Variants in ITFG1 observed in about 807,000 individuals in gnomAD.
The protein encoded by ITFG1 is integrin alpha FG-GAP repeat containing 1.
ITFG1 carries 34 observed loss-of-function variants against 81.8 expected under a neutral mutation model. That is an observed-to-expected ratio of 0.42 (90% CI 0.32 to 0.55). The LOEUF (loss-of-function observed/expected upper bound fraction) is 0.55, where lower values mean the gene tolerates loss of function less well. Ranked by LOEUF, ITFG1 falls within the 20% of genes least tolerant of loss-of-function variation. The probability of loss-of-function intolerance (pLI) is 0.17; values close to 1 mark genes in which losing one functional copy is unlikely to be tolerated. For missense variants in ITFG1, 672 were observed against 755.4 expected (o/e 0.89, Z 1.29); for synonymous variants, 285 against 270.6 (o/e 1.05, Z -0.52).
chr16:47,407,589 C>T (rs1464501539), intron 6 of ITFG1, among the ~76,000 whole-genome samples: 2 of 152,124 alleles, frequency 1.3e-5, no homozygotes, highest in African/African-American at 2.4e-5. Flanking sequence ...TCATGTGATC[C>T]GCCTGCCTTG....
intron 13 of ITFG1, among the ~76,000 whole-genome samples, chr16:47,222,523 C>T (rs1965705820): frequency 6.6e-6 from 1 of 151,784 alleles, no homozygotes; most frequent in South Asian, 2.1e-4. Context: ...ACGCCATTCT[C>T]CTGCCTCAGC....
At chr16:47,225,780 T>C (rs1011146546) in intron 13 of ITFG1, among the ~76,000 whole-genome samples, 3 of 152,074 alleles carry the variant, frequency 2.0e-5, no homozygotes, top group African/African-American at 4.8e-5. Context: ...ACCTGACTTG[T>C]AGGAAATATT....
At chr16:47,288,355 T>A (rs1430666902) in intron 10 of ITFG1, among the ~76,000 whole-genome samples, 1 of 152,222 alleles carries the variant, frequency 6.6e-6, no homozygotes, top group Non-Finnish European at 1.5e-5. Context: ...TGATGAATAG[T>A]TAGGTTCATT....
chr16:47,325,562 T>G (rs1253027043), intron 8 of ITFG1, among the ~76,000 whole-genome samples: 2 of 151,820 alleles, frequency 1.3e-5, no homozygotes, highest in East Asian at 3.9e-4. Context: ...ATCAACAAAA[T>G]TGATAGACTG....
intron 13 of ITFG1, among the ~76,000 whole-genome samples, chr16:47,219,440 G>A (rs1465086458): frequency 6.6e-6 from 1 of 152,060 alleles, no homozygotes; most frequent in Non-Finnish European, 1.5e-5. Flanking sequence ...AATTCTGATG[G>A]ATTGACAGTG....
At chr16:47,403,042 G>A (rs1188503636) in intron 6 of ITFG1, among the ~76,000 whole-genome samples, 5 of 151,918 alleles carry the variant, frequency 3.3e-5, no homozygotes, top group African/African-American at 4.8e-5. Context: ...AAATGCTTAC[G>A]GTCAACAAAG....
chr16:47,456,249 A>G (rs1228348025), intron 2 of ITFG1, among the ~76,000 whole-genome samples: 2 of 152,328 alleles, frequency 1.3e-5, no homozygotes, highest in East Asian at 3.9e-4. Flanking sequence ...CATCATCATG[A>G]AATCAGAACA....
intron 8 of ITFG1, among the ~76,000 whole-genome samples, chr16:47,361,345 A>G (rs1968106588): frequency 6.6e-6 from 1 of 152,084 alleles, no homozygotes; most frequent in Admixed American, 6.5e-5. Context: ...ATTGATTTCC[A>G]CTACACCTAG....
chr16:47,323,960 T>C (rs532067928), intron 8 of ITFG1, among the ~76,000 whole-genome samples: 2 of 152,210 alleles, frequency 1.3e-5, no homozygotes, highest in Non-Finnish European at 2.9e-5. Context: ...TATTGTTTTA[T>C]ATGAAGTATT....
intron 13 of ITFG1, among the ~76,000 whole-genome samples, chr16:47,223,374 C>T (rs1965717057): frequency 6.6e-6 from 1 of 151,924 alleles, no homozygotes; most frequent in Admixed American, 6.6e-5. Flanking sequence ...ACAATGAACT[C>T]AAACAAATTT....
chr16:47,295,951 G>A (rs1298621729), intron 10 of ITFG1, among the ~76,000 whole-genome samples: 1 of 152,192 alleles, frequency 6.6e-6, no homozygotes, highest in Non-Finnish European at 1.5e-5. Flanking sequence ...AGGCTGAAGT[G>A]CAAGTGGCAC....
At chr16:47,277,234 G>A (rs1386318161) in intron 10 of ITFG1, among the ~76,000 whole-genome samples, 1 of 152,088 alleles carries the variant, frequency 6.6e-6, no homozygotes, top group Non-Finnish European at 1.5e-5. Context: ...CAGTTTGCTT[G>A]TTTTATTGGA....
intron 8 of ITFG1, among the ~76,000 whole-genome samples, chr16:47,358,308 C>G (rs111944433): frequency 6.6e-6 from 1 of 151,982 alleles, no homozygotes; most frequent in Non-Finnish European, 1.5e-5. Flanking sequence ...ATGATGACTT[C>G]GAATACATGG....
intron 13 of ITFG1, among the ~76,000 whole-genome samples, chr16:47,221,198 TGA>T (rs538958471): frequency 1.5e-3 from 227 of 152,296 alleles, no homozygotes; most frequent in Non-Finnish European, 1.6e-3. Flanking sequence ...TTTAATGGAC[TGA>T]GAGCTTGCTC....
At chr16:47,278,777 T>C (rs1241209684) in intron 10 of ITFG1, among the ~76,000 whole-genome samples, 2 of 152,304 alleles carry the variant, frequency 1.3e-5, no homozygotes, top group African/African-American at 4.8e-5. Context: ...ACTCAGCAAC[T>C]GGAGTGGAAA....
Position 47,270,558 on chromosome 16 carries a change from G to A in ITFG1, c.1071-9863C>T, listed in dbSNP as rs533179513. Among the ~76,000 whole-genome samples, 19 of 152,242 alleles carry A rather than the reference G, an allele frequency of 1.2e-4. No homozygotes were observed. In the South Asian group the frequency reaches 3.9e-3, roughly 32 times the overall value. ...AAAAGACATAGCTACCCCATTCCTT[G>A]GTATTTACAAAGGAAAGCACATGTT... is the stretch of plus-strand genomic sequence containing the variant. On this transcript the variant is annotated intron_variant, in intron 10 of 17. Transcript: ENST00000320640.
At chr16:47,208,049 C>T (rs1965522940) in intron 14 of ITFG1, among the ~76,000 whole-genome samples, 1 of 152,150 alleles carries the variant, frequency 6.6e-6, no homozygotes, top group Admixed American at 6.5e-5. Context: ...CCCAAGGTAA[C>T]ACAGCAGGAG....
chr16:47,328,106 T>G (rs1163615227), intron 8 of ITFG1, among the ~76,000 whole-genome samples: 1 of 152,034 alleles, frequency 6.6e-6, no homozygotes, highest in African/African-American at 2.4e-5. Flanking sequence ...ATTAAGAAAA[T>G]GTGGCACATA....
intron 8 of ITFG1, among the ~76,000 whole-genome samples, chr16:47,353,008 A>T (rs1967986141): frequency 6.6e-6 from 1 of 150,952 alleles, no homozygotes; most frequent in South Asian, 2.1e-4. Context: ...GAATTGAACA[A>T]TGAGAACAGT....
Sources: gnomAD v4.1 joint callset for allele counts (sites outside exome capture counted in the v4.1 genomes callset) on GRCh38, gnomAD v4.1.1 for gene constraint, MANE v1.5 for transcripts, NCBI Gene and HGNC (gene_info 2026-07-23, HGNC 2026-07-21) for gene names.